DCLK3: variants seen among roughly 807,000 people sequenced by gnomAD.
The protein encoded by DCLK3 is serine/threonine-protein kinase DCLK3.
DCLK3 carries 30 observed loss-of-function variants against 46.4 expected under a neutral mutation model. That is an observed-to-expected ratio of 0.65 (90% CI 0.48 to 0.88). DCLK3 has a LOEUF of 0.88. DCLK3 is among the 40% of genes least tolerant of loss of function. DCLK3 has a pLI of 0.00. For missense variants in DCLK3, 846 were observed against 907.1 expected, an observed-to-expected ratio of 0.93 and a Z score of 0.87; for synonymous variants, 401 against 339.2, an observed-to-expected ratio of 1.18 and a Z score of -2.00.
intron 2 of DCLK3, among the ~76,000 whole-genome samples, chr3:36,728,345 A>G (rs1701150027): frequency 1.3e-5 from 2 of 151,634 alleles, no homozygotes; most frequent in African/African-American, 4.8e-5. Context: ...CCTAGTACTG[A>G]TAAAGTATCA....
chr3:36,754,713 G>A (rs1701471115), intron 1 of DCLK3, among the ~76,000 whole-genome samples: 1 of 152,128 alleles, frequency 6.6e-6, no homozygotes, highest in Non-Finnish European at 1.5e-5. Context: ...GTTCTGTGAT[G>A]GAGAAAACCT....
intron 1 of DCLK3, among the ~76,000 whole-genome samples, chr3:36,740,164 T>C (rs1701329542): frequency 6.7e-6 from 1 of 148,496 alleles, no homozygotes; most frequent in Non-Finnish European, 1.5e-5. Flanking sequence ...GTAAGAATGC[T>C]ACACCTCCCT....
chr3:36,737,199 A>T lies in DCLK3; in HGVS notation c.1959+9T>A. ...ACCCTCTCCCATATCATCAAAAGTCAAGGCTTACCAAAAGGTTTTCCGGCT... is the reference window on the plus strand; with the variant it reads ...ACCCTCTCCCATATCATCAAAAGTCTAGGCTTACCAAAAGGTTTTCCGGCT... On this transcript the variant is annotated intron_variant, in intron 2 of 4. Coordinates refer to ENST00000636136, the MANE Select transcript of DCLK3 (RefSeq NM_001394672.2). This position sits in a 1 kb window ranked among gnomAD's most constrained non-coding sequence, Gnocchi z 4.4. 1 of 1,610,030 alleles carries T rather than the reference A, an allele frequency of 6.2e-7. No homozygotes were observed. The highest frequency in any genetic ancestry group is 8.5e-7 in the Non-Finnish European group (1 of 1,177,184).
chr3:36,753,738 T>C (rs1448970591), intron 1 of DCLK3, among the ~76,000 whole-genome samples: 4 of 152,196 alleles, frequency 2.6e-5, no homozygotes, highest in Non-Finnish European at 4.4e-5. Context: ...GGTGCCATCA[T>C]GGCTCACTGC....
intron 1 of DCLK3, among the ~76,000 whole-genome samples, chr3:36,748,206 GTTT>G (rs150454061): frequency 0.079 from 12,092 of 152,188 alleles, 1,016 homozygotes; most frequent in African/African-American, 0.22. Flanking sequence ...GGAAGGAGGT[GTTT>G]TGTGCACAGG....
intron 1 of DCLK3, among the ~76,000 whole-genome samples, chr3:36,750,496 T>C (rs920636228): frequency 5.3e-5 from 8 of 152,200 alleles, no homozygotes; most frequent in Non-Finnish European, 1.0e-4. Flanking sequence ...TTTCCATAAA[T>C]AGTTAAGACA....
At chr3:36,716,791 T>C (rs938376497) in intron 4 of DCLK3, among the ~76,000 whole-genome samples, 2 of 152,214 alleles carry the variant, frequency 1.3e-5, no homozygotes, top group Non-Finnish European at 2.9e-5. Context: ...CTCCTCACTC[T>C]GTAGAGAAGG....
At chr3:36,719,555 C>T (rs1000788565) in intron 3 of DCLK3, among the ~76,000 whole-genome samples, 1 of 152,214 alleles carries the variant, frequency 6.6e-6, no homozygotes, top group Non-Finnish European at 1.5e-5. Context: ...GGCTGCTCAG[C>T]CTTTTCTCTG....
chr3:36,735,345 T>C (rs1186535118), intron 2 of DCLK3, among the ~76,000 whole-genome samples: 1 of 152,150 alleles, frequency 6.6e-6, no homozygotes, highest in Non-Finnish European at 1.5e-5. Context: ...ATGCAAAAAA[T>C]GAAATTGTTC....
Position 36,764,232 on chromosome 3 carries a change from G to A in DCLK3, c.32C>T (p.Pro11Leu). 1 of 313,484 alleles carries A rather than the reference G, an allele frequency of 3.2e-6. No individual in the cohort carries two copies. The highest frequency in any genetic ancestry group is 5.8e-6 in the Non-Finnish European group (1 of 171,634). 19.4% of individuals were successfully genotyped at this position (313,484 alleles called of 1,614,324 possible). A position where few individuals can be genotyped will look rare whatever the true frequency, so the allele number is the denominator to read the frequency against. ...TGGGGCTGGCCGGGCCGGGGGCGGC[G>A]GCGGCTGCGGGGCTGGAGTGGCGGC... MPAATPAPQP[P>L]PPPARPAPAC... Residue 11 changes from proline (P) to leucine (L), a missense_variant, in exon 1 of 5, where the codon CCG becomes CTG. By Grantham distance (98) the Pro-to-Leu change is moderately conservative. Transcript: ENST00000636136. This position sits in a 1 kb window ranked among gnomAD's most constrained non-coding sequence, Gnocchi z 4.9.
chr3:36,715,560 G>A, intron 4 of DCLK3, 39 bp from the exon 5 acceptor site: 4 of 1,504,892 alleles, frequency 2.7e-6, no homozygotes, highest in Non-Finnish European at 3.5e-6. Context: ...GATGAATGCA[G>A]GTGGTTCTGA....
At chr3:36,715,821 G>T (rs1027693114) in intron 4 of DCLK3, among the ~76,000 whole-genome samples, 7 of 152,190 alleles carry the variant, frequency 4.6e-5, no homozygotes, top group African/African-American at 1.7e-4. Context: ...GCAGCAGGGA[G>T]GGGGGTTACC....
chr3:36,738,839 T>A lies in DCLK3; in HGVS notation c.328A>T (p.Ile110Phe). ...GATCGCCTGTTGAGGAGCAGAGTGA[T>A]CTTTCGGGGGCGCTGCCCACCCAGC... The part of the protein sequence containing the change: ...VKLGGQRPRK[I>F]TLLLNRRSVQ... Residue 110 changes from isoleucine to phenylalanine, a missense_variant, in exon 2 of 5, where the codon ATC (isoleucine) becomes TTC (phenylalanine). Coordinates refer to ENST00000636136, the MANE Select transcript of DCLK3 (RefSeq NM_001394672.2). 1 of 746,170 alleles carries A rather than the reference T, an allele frequency of 1.3e-6. No homozygotes were observed. The highest frequency in any genetic ancestry group is 5.7e-5 in the South Asian group (1 of 17,634). 46.2% of individuals were successfully genotyped at this position (746,170 alleles called of 1,614,324 possible). A position where few individuals can be genotyped will look rare whatever the true frequency, so the allele number is the denominator to read the frequency against.
chr3:36,743,818 G>T (rs1701370371), intron 1 of DCLK3, among the ~76,000 whole-genome samples: 1 of 151,724 alleles, frequency 6.6e-6, no homozygotes, highest in African/African-American at 2.4e-5. Flanking sequence ...GACACATAAG[G>T]CCCTTCACAA....
At chr3:36,756,008 G>A (rs563805422) in intron 1 of DCLK3, among the ~76,000 whole-genome samples, 89 of 152,296 alleles carry the variant, frequency 5.8e-4, no homozygotes, top group African/African-American at 1.9e-3. Context: ...AGTGGCCAGA[G>A]CTGGTCACAT....
intron 2 of DCLK3, among the ~76,000 whole-genome samples, chr3:36,724,668 A>G (rs1161071203): frequency 2.0e-5 from 3 of 152,098 alleles, no homozygotes; most frequent in Admixed American, 2.0e-4. Context: ...TCCATGTAAG[A>G]TATGACTTGC....
chr3:36,729,328 G>A (rs1323945023), intron 2 of DCLK3, among the ~76,000 whole-genome samples: 1 of 151,068 alleles, frequency 6.6e-6, no homozygotes, highest in Non-Finnish European at 1.5e-5. Context: ...CTCTTTTGCA[G>A]CCTAGCTAAA....
At chr3:36,755,174 C>T (rs1483259472) in intron 1 of DCLK3, among the ~76,000 whole-genome samples, 1 of 152,116 alleles carries the variant, frequency 6.6e-6, no homozygotes, top group East Asian at 1.9e-4. Flanking sequence ...AATGACTGTC[C>T]ATTCCAGAAT....
chr3:36,760,716 A>T (rs1701531990), intron 1 of DCLK3, among the ~76,000 whole-genome samples: 2 of 152,208 alleles, frequency 1.3e-5, no homozygotes, highest in Admixed American at 6.5e-5. Flanking sequence ...CTGAATCAGA[A>T]TCTATATTTT....
Sources: gnomAD v4.1 joint callset for allele counts (sites outside exome capture counted in the v4.1 genomes callset) on GRCh38, gnomAD v4.1.1 for gene constraint, Gnocchi (gnomAD v3.1) non-coding constraint, MANE v1.5 for transcripts, NCBI Gene and HGNC (gene_info 2026-07-23, HGNC 2026-07-21) for gene names.